CTNND1: variants seen among roughly 807,000 people sequenced by gnomAD.
CTNND1 encodes catenin delta 1, also known as catenin delta-1.
Under a neutral mutation model 112.1 loss-of-function variants are expected in CTNND1, and 16 were observed. That is an observed-to-expected ratio of 0.14 (90% CI 0.10 to 0.22). CTNND1 has a LOEUF of 0.22. CTNND1 is among the 10% of genes least tolerant of loss of function. The pLI is 1.00. For synonymous variants in CTNND1, 420 were observed against 446.5 expected (o/e 0.94, Z 0.75); for missense variants, 1,008 against 1,257.0 (o/e 0.80, Z 3.00).
intron 1 of CTNND1, among the ~76,000 whole-genome samples, chr11:57,783,527 C>T (rs2059813985): frequency 6.6e-6 from 1 of 151,916 alleles, no homozygotes; most frequent in Non-Finnish European, 1.5e-5. Context: ...GGCGTGTTGG[C>T]GGGCGCCTGT....
chr11:57,779,110 T>G (rs2059311137), intron 1 of CTNND1, among the ~76,000 whole-genome samples: 1 of 152,186 alleles, frequency 6.6e-6, no homozygotes, highest in Admixed American at 6.5e-5. Context: ...GTAATGTTCA[T>G]TTGCTGTATA....
intron 1 of CTNND1, among the ~76,000 whole-genome samples, chr11:57,781,015 T>C (rs944874744): frequency 2.0e-5 from 3 of 152,202 alleles, no homozygotes; most frequent in African/African-American, 7.2e-5. Flanking sequence ...CTCTGCTCAC[T>C]GCAACCTCCA....
rs181249834 is a variant in CTNND1, at chr11:57,803,755, C to T, written c.1555C>T (p.Arg519Cys). The T allele has an allele frequency of 3.7e-5, 60 of 1,612,272 alleles. No individual in the cohort carries two copies. The highest frequency in any genetic ancestry group is 3.3e-4 in the Middle Eastern group (2 of 6,050). Residue 519 changes from arginine (R) to cysteine (C), a missense_variant, in exon 8 of 21, where the codon CGC (arginine) becomes TGC (cysteine). Physicochemically the swap from Arg to Cys is radical, Grantham distance 180. Transcript: ENST00000399050. Reference sequence around the variant, plus strand: ...GGAACCTAATGAAGACTGTAAGCCACGCCACATTGAGTGGGAATCGGTGCT... The same window carrying T: ...GGAACCTAATGAAGACTGTAAGCCATGCCACATTGAGTGGGAATCGGTGCT... ...EREPNEDCKP[R>C]HIEWESVLTN...
chr11:57,804,390 T>A (rs1039946269), intron 8 of CTNND1, among the ~76,000 whole-genome samples: 23 of 152,214 alleles, frequency 1.5e-4, no homozygotes, highest in Non-Finnish European at 1.3e-4. Flanking sequence ...CCATTCTACA[T>A]ATGTATTATA....
intron 1 of CTNND1, among the ~76,000 whole-genome samples, chr11:57,776,825 CA>C (rs1287995519): frequency 6.6e-6 from 1 of 152,170 alleles, no homozygotes; most frequent in Admixed American, 6.6e-5. Context: ...GAGAACTTGC[CA>C]AGCATCCTTT....
intron 1 of CTNND1, among the ~76,000 whole-genome samples, chr11:57,779,519 C>T (rs148387156): frequency 1.1e-3 from 160 of 152,284 alleles, no homozygotes; most frequent in African/African-American, 3.8e-3. Flanking sequence ...CACACAAACC[C>T]GCCTTTGATT....
chr11:57,804,949 G>T (rs1264552346), intron 9 of CTNND1, among the ~76,000 whole-genome samples, 169 bp downstream of exon 9: 1 of 152,118 alleles, frequency 6.6e-6, no homozygotes, highest in Non-Finnish European at 1.5e-5. Flanking sequence ...CCCAGCCTGG[G>T]GTGCAGTGAT....
chr11:57,768,331 A>C (rs1218820055), intron 1 of CTNND1, among the ~76,000 whole-genome samples: 3 of 150,460 alleles, frequency 2.0e-5, no homozygotes, highest in Admixed American at 2.0e-4. Flanking sequence ...AGTAAAGTGA[A>C]GTGTCAGTGG....
intron 1 of CTNND1, among the ~76,000 whole-genome samples, chr11:57,783,332 C>T (rs888137330): frequency 1.3e-5 from 2 of 151,080 alleles, no homozygotes; most frequent in African/African-American, 2.4e-5. Context: ...GGAGGTAGGG[C>T]GGGGTACTTA....
At position 57,815,398 on chromosome 11, in the gene CTNND1, C is replaced by A; in HGVS notation, c.2706C>A (p.Asn902Lys). The A allele has an allele frequency of 6.4e-7, 1 of 1,574,424 alleles. No individual in the cohort carries two copies. Among genetic ancestry groups the A allele is most frequent in the Non-Finnish European group, 8.6e-7 (1 of 1,162,478 alleles). ...NMGSNTKSLD[N>K]NYSTPNERGD... ...TACTTTTTTTTTTTTAACCAGATAACAACTATTCCACACCAAATGAGAGAG... is the reference window on the plus strand; with the variant it reads ...TACTTTTTTTTTTTTAACCAGATAAAAACTATTCCACACCAAATGAGAGAG... The change falls in exon 19 of 21, where the codon AAC (asparagine) becomes AAA (lysine). Residue 902 changes from asparagine (N) to lysine (K), a missense_variant. Physicochemically the swap from Asn to Lys is moderately conservative, Grantham distance 94. This residue lies in a region of CTNND1 where 106 missense variants were observed against 116.2 expected (regional missense o/e 0.91). Transcript: ENST00000399050.
At chr11:57,790,168 G>A (rs1211194511) in intron 2 of CTNND1, among the ~76,000 whole-genome samples, 2 of 151,918 alleles carry the variant, frequency 1.3e-5, no homozygotes, top group African/African-American at 4.8e-5. Flanking sequence ...TACACTCTCC[G>A]TCTCCTGGGT....
At chr11:57,806,083 G>A in intron 10 of CTNND1, 48 bp downstream of exon 10, 1 of 1,569,700 alleles carries the variant, frequency 6.4e-7, no homozygotes, top group South Asian at 1.2e-5. Flanking sequence ...GATAGGGAAA[G>A]GAAGGAACAC....
In CTNND1 at chr11:57,796,926, G is replaced by C. The variant is rs1421184721; in HGVS notation, c.890G>C (p.Gly297Ala). The C allele has an allele frequency of 6.4e-7, 1 of 1,573,726 alleles. No individual in the cohort carries two copies. Among genetic ancestry groups the C allele is most frequent in the South Asian group, 1.2e-5 (1 of 86,952 alleles). ...ATGGGCTATGATGACCTGGATTATG[G>C]TATGATGTCTGATTATGGCACTGCC... The part of the protein sequence containing the change: ...RSMGYDDLDY[G>A]MMSDYGTARR... The change falls in exon 6 of 21, where the codon GGT becomes GCT. Residue 297 changes from glycine (G) to alanine (A), a missense_variant. Gly to Ala is a moderately conservative substitution (Grantham distance 60). Transcript: ENST00000399050.
intron 1 of CTNND1, among the ~76,000 whole-genome samples, chr11:57,762,518 T>TC (rs1950077491): frequency 6.6e-6 from 1 of 152,118 alleles, no homozygotes. Flanking sequence ...GTTTAAAACT[T>TC]TTTTTTTCTT....
At chr11:57,801,416 T>A (rs2062010560) in intron 6 of CTNND1, among the ~76,000 whole-genome samples, 1 of 152,228 alleles carries the variant, frequency 6.6e-6, no homozygotes, top group Admixed American at 6.5e-5. Flanking sequence ...ATCATTCAAA[T>A]AAATGATAAG....
chr11:57,801,648 C>T, intron 6 of CTNND1, 85 bp from the exon 7 acceptor site: 1 of 1,101,064 alleles, frequency 9.1e-7, no homozygotes, highest in Non-Finnish European at 1.3e-6. Flanking sequence ...GTTAATCCTC[C>T]TTTGCAGATG....
At position 57,809,382 on chromosome 11, in the gene CTNND1, A is replaced by G; in HGVS notation, c.2351A>G (p.Glu784Gly). ...TVISILNTIN[E>G]VIAENLEAAK... The stretch of plus-strand genomic sequence containing the variant: ...ATCTCTATTTTGAACACTATCAACG[A>G]GGTTATCGCTGAGAACTTGGAGGCT... Residue 784 changes from glutamate to glycine, a missense_variant, in exon 15 of 21, where the codon GAG becomes GGG. Glu to Gly is a moderately conservative substitution (Grantham distance 98). Transcript: ENST00000399050. 6.2e-7 allele frequency: 1 copy of G among 1,614,010 alleles called. No individual in the cohort carries two copies. The highest frequency in any genetic ancestry group is 1.1e-5 in the South Asian group (1 of 91,078).
At chr11:57,798,375 C>A (rs369160241) in intron 6 of CTNND1, among the ~76,000 whole-genome samples, 5 of 150,754 alleles carry the variant, frequency 3.3e-5, no homozygotes, top group African/African-American at 1.2e-4. Context: ...CAAAAAAACC[C>A]CAAAACAAAA....
At chr11:57,767,074 C>T (rs1017843107) in intron 1 of CTNND1, among the ~76,000 whole-genome samples, 19 of 151,746 alleles carry the variant, frequency 1.3e-4, no homozygotes, top group African/African-American at 3.6e-4. Flanking sequence ...CGGTTTCAAG[C>T]GATTCTCCTG....
Sources: gnomAD v4.1 joint callset for allele counts (sites outside exome capture counted in the v4.1 genomes callset) on GRCh38, gnomAD v4.1.1 for gene constraint, gnomAD v4.1.1 regional missense constraint, MANE v1.5 for transcripts, NCBI Gene and HGNC (gene_info 2026-07-23, HGNC 2026-07-21) for gene names.